The following NAV2 variants were observed in gnomAD, a reference collection of about 807,000 sequenced individuals.
NAV2 encodes the protein helicase, APC down-regulated 1.
A neutral mutation model predicts 223.2 loss-of-function variants in NAV2; 54 were observed. That is an observed-to-expected ratio of 0.24 (90% CI 0.19 to 0.30). The LOEUF (loss-of-function observed/expected upper bound fraction) is 0.30, where lower values mean the gene tolerates loss of function less well. NAV2 is among the 10% of genes least tolerant of loss of function. The pLI is 1.00. For synonymous variants in NAV2, 1,279 were observed against 1,239.3 expected (o/e 1.03, Z -0.67); for missense variants, 2,806 against 3,147.5 (o/e 0.89, Z 2.60).
chr11:19,986,301 A>G (rs1591542977), intron 11 of NAV2, among the ~76,000 whole-genome samples: 2 of 152,290 alleles, frequency 1.3e-5, no homozygotes, highest in South Asian at 4.1e-4. Context: ...TCCAGACTGG[A>G]ATGCTCCGAT....
chr11:19,498,592 C>G (rs548909777), intron 1 of NAV2, among the ~76,000 whole-genome samples: 1 of 152,220 alleles, frequency 6.6e-6, no homozygotes, highest in Non-Finnish European at 1.5e-5. Context: ...ACTCACAAAT[C>G]CATTTGTTTA....
chr11:20,071,321 A>G (rs1272524013), intron 22 of NAV2, among the ~76,000 whole-genome samples: 1 of 152,144 alleles, frequency 6.6e-6, no homozygotes, highest in Admixed American at 6.6e-5. Flanking sequence ...ATAGAATTCC[A>G]TGGTGTATAT....
chr11:19,715,444 A>G (rs956457773), intron 1 of NAV2, among the ~76,000 whole-genome samples: 3 of 151,994 alleles, frequency 2.0e-5, no homozygotes, highest in African/African-American at 7.3e-5. Context: ...CCCTTCATCC[A>G]TGGACTTGGG....
At chr11:19,877,037 C>G (rs1277469570) in intron 4 of NAV2, among the ~76,000 whole-genome samples, 1 of 151,314 alleles carries the variant, frequency 6.6e-6, no homozygotes, top group African/African-American at 2.4e-5. Flanking sequence ...TAAAATAAAA[C>G]ATGATGGCTA....
chr11:19,892,331 TTGGATAGTTTCTTTTGCCTCCTGCA>T (rs1261242133), intron 5 of NAV2, 78 bp from the exon 6 acceptor site: 19 of 1,138,032 alleles, frequency 1.7e-5, no homozygotes, highest in Admixed American at 7.3e-5. Context: ...ACACAATGTC[TTGGATAGTTTCTTTTGCCTCCTGCA>T]TGGTTGCAGT....
upstream of NAV2, among the ~76,000 whole-genome samples, chr11:19,709,266 G>C (rs2049779291): frequency 6.6e-6 from 1 of 152,102 alleles, no homozygotes; most frequent in South Asian, 2.1e-4. Flanking sequence ...GATAGGGCCA[G>C]GCACGGTGGC....
chr11:19,404,035 T>G (rs1849791366), intron 1 of NAV2, among the ~76,000 whole-genome samples: 1 of 151,256 alleles, frequency 6.6e-6, no homozygotes. Flanking sequence ...GAGGAGTGAG[T>G]GAGGGGACAG....
intron 20 of NAV2, among the ~76,000 whole-genome samples, chr11:20,065,860 C>T (rs1019002811): frequency 3.3e-5 from 5 of 152,166 alleles, no homozygotes; most frequent in Middle Eastern, 3.2e-3. Flanking sequence ...AACTTGTACC[C>T]TTTGGATTGA....
At chr11:19,768,056 A>C (rs74586612) in intron 1 of NAV2, among the ~76,000 whole-genome samples, 1,936 of 152,354 alleles carry the variant, frequency 0.013, 35 homozygotes, top group African/African-American at 0.04. Context: ...CAATCCTGGG[A>C]AACAGGGAGT....
At chr11:20,046,179 C>A (rs1225647512) in intron 14 of NAV2, among the ~76,000 whole-genome samples, 1 of 148,872 alleles carries the variant, frequency 6.7e-6, no homozygotes, top group Non-Finnish European at 1.5e-5. Flanking sequence ...ACTAAAAATA[C>A]AAAAAAATTA....
At chr11:19,853,022 T>C (rs1239992405) in intron 3 of NAV2, among the ~76,000 whole-genome samples, 1 of 152,238 alleles carries the variant, frequency 6.6e-6, no homozygotes, top group Non-Finnish European at 1.5e-5. Flanking sequence ...ATTATTTTTA[T>C]TAATAAGGGA....
rs565023693 is a variant in NAV2, at chr11:19,800,169, C to G, written c.268-32315C>G. ...GCCCCCACTACACCTCTGTCCTCCCCACTAGCTAGATTGACGTTCCTCCCT... is the reference window on the plus strand; with the variant it reads ...GCCCCCACTACACCTCTGTCCTCCCGACTAGCTAGATTGACGTTCCTCCCT... On this transcript the variant is annotated intron_variant, in intron 1 of 37. Transcript: ENST00000349880. 2.6e-5 allele frequency among the ~76,000 whole-genome samples: 4 copies of G among 152,320 alleles called. No homozygotes were observed. In the East Asian group the frequency reaches 5.8e-4, roughly 22 times the overall value.
intron 1 of NAV2, among the ~76,000 whole-genome samples, chr11:19,760,376 G>A (rs1824315491): frequency 6.6e-6 from 1 of 152,158 alleles, no homozygotes; most frequent in Non-Finnish European, 1.5e-5. Context: ...TCATATTATG[G>A]TTTAGCTGAA....
intron 1 of NAV2, among the ~76,000 whole-genome samples, chr11:19,390,620 G>A (rs1246900650): frequency 1.3e-5 from 2 of 152,142 alleles, no homozygotes; most frequent in Admixed American, 6.5e-5. Context: ...TAGAGTGATT[G>A]GGTTGATGGA....
chr11:19,610,081 G>T (rs535594094), intron 1 of NAV2, among the ~76,000 whole-genome samples: 4 of 152,250 alleles, frequency 2.6e-5, no homozygotes, highest in Admixed American at 2.0e-4. Flanking sequence ...GCCATTCCTC[G>T]AGCAGAAAGA....
intron 1 of NAV2, among the ~76,000 whole-genome samples, chr11:19,595,706 C>A (rs1262070238): frequency 1.4e-5 from 2 of 147,248 alleles, no homozygotes; most frequent in Non-Finnish European, 3.0e-5. Context: ...ACAGACACAC[C>A]ACCATGAAGG....
At chr11:19,935,863 T>TG (rs553290951) in intron 7 of NAV2, among the ~76,000 whole-genome samples, 11,490 of 109,118 alleles carry the variant, frequency 0.11, 926 homozygotes, top group East Asian at 0.26. Context: ...TTTTTTTTTT[T>TG]TTTTTTTTTT....
chr11:19,710,914 A>T (rs2049844559), upstream of NAV2: 1 of 152,256 alleles, frequency 6.6e-6, no homozygotes, highest in African/African-American at 2.4e-5. Context: ...GAGAAGATCT[A>T]AAGAAAGTTA....
intron 1 of NAV2, among the ~76,000 whole-genome samples, chr11:19,685,820 C>T (rs914643061): frequency 6.6e-6 from 1 of 152,106 alleles, no homozygotes; most frequent in Non-Finnish European, 1.5e-5. Context: ...TTGCTCTGGT[C>T]CTGGGAATGG....
Sources: gnomAD v4.1 joint callset for allele counts (sites outside exome capture counted in the v4.1 genomes callset) on GRCh38, gnomAD v4.1.1 for gene constraint, MANE v1.5 for transcripts, NCBI Gene and HGNC (gene_info 2026-07-23, HGNC 2026-07-21) for gene names.